Variants in HIVEP1 observed in about 807,000 individuals in gnomAD.
HIVEP1 encodes zinc finger protein 40.
A neutral mutation model predicts 180.0 loss-of-function variants in HIVEP1; 36 were observed. The observed-to-expected ratio is 0.20, with a 90% CI of 0.15 to 0.26. The LOEUF is 0.26. HIVEP1 is among the 10% of genes least tolerant of loss of function. The pLI is 1.00. For missense variants in HIVEP1, 3,143 were observed against 3,268.7 expected, an observed-to-expected ratio of 0.96 and a Z score of 0.94; for synonymous variants, 1,239 against 1,239.0, an observed-to-expected ratio of 1.00 and a Z score of 0.00.
rs192284926 is a variant in HIVEP1, at chr6:12,136,558, C to A, written c.6487+666C>A. 6.0e-4 allele frequency among the ~76,000 whole-genome samples: 92 copies of A among 152,338 alleles called. 2 individuals carry two copies. The highest frequency in any genetic ancestry group is 2.5e-3 in the South Asian group (12 of 4,826). On this transcript the variant is annotated intron_variant, in intron 7 of 8. Coordinates refer to ENST00000379388, the MANE Select transcript of HIVEP1 (RefSeq NM_002114.4). ...TGTTCTGAGATTATTCACGCACTCACCTGAGCTCCCACCACAGTGATTCAG... is the reference window on the plus strand; with the variant it reads ...TGTTCTGAGATTATTCACGCACTCAACTGAGCTCCCACCACAGTGATTCAG...
At position 12,018,727 on chromosome 6, in the gene HIVEP1, G is replaced by C. The variant is rs375317973; in HGVS notation, c.40+3059G>C. On this transcript the variant is annotated intron_variant, in intron 2 of 8. Coordinates refer to ENST00000379388, the MANE Select transcript of HIVEP1 (RefSeq NM_002114.4). The stretch of plus-strand genomic sequence containing the variant: ...TTATCTGCGAAGCTGACAAGGCAAA[G>C]TGAGTGCATTTCATCCTGGGGTAGC... Among the ~76,000 whole-genome samples the C allele has an allele frequency of 2.6e-5, 4 of 152,224 alleles. No homozygotes were observed. In the East Asian group the frequency reaches 5.8e-4, roughly 22 times the overall value.
At chr6:12,024,023 C>T (rs1351521552) in intron 2 of HIVEP1, among the ~76,000 whole-genome samples, 1 of 152,104 alleles carries the variant, frequency 6.6e-6, no homozygotes, top group African/African-American at 2.4e-5. Flanking sequence ...TTTTCATGTA[C>T]ATATTTAACT....
the HIVEP1 span, among the ~76,000 whole-genome samples, chr6:12,193,300 A>G: frequency 2.0e-4 from 30 of 152,326 alleles, no homozygotes; most frequent in African/African-American, 7.0e-4. Flanking sequence ...TTGCTCTCAT[A>G]AATAATTCTG....
chr6:12,013,138 C>G (rs1355729012), intron 1 of HIVEP1, among the ~76,000 whole-genome samples: 2 of 152,146 alleles, frequency 1.3e-5, no homozygotes, highest in Admixed American at 1.3e-4. Context: ...CCGCGCTCGC[C>G]TCATCTCGTC....
chr6:12,178,114 G>C, the HIVEP1 span, among the ~76,000 whole-genome samples: 3 of 152,192 alleles, frequency 2.0e-5, no homozygotes, highest in Non-Finnish European at 4.4e-5. Flanking sequence ...GGCTCGTAAA[G>C]TCAAGTTCAT....
At chr6:12,126,785 A>T (rs1373989131) in intron 4 of HIVEP1, among the ~76,000 whole-genome samples, 1 of 152,110 alleles carries the variant, frequency 6.6e-6, no homozygotes, top group Middle Eastern at 3.2e-3. Flanking sequence ...CAGCAAACAT[A>T]CTCCAAAGGT....
intron 3 of HIVEP1, among the ~76,000 whole-genome samples, chr6:12,114,480 C>A (rs1293764684): frequency 6.6e-6 from 1 of 151,990 alleles, no homozygotes; most frequent in Non-Finnish European, 1.5e-5. Context: ...AGGGATTACC[C>A]ATCCTTCTCA....
At chr6:12,040,339 C>CT (rs1165128871) in intron 2 of HIVEP1, among the ~76,000 whole-genome samples, 1 of 152,228 alleles carries the variant, frequency 6.6e-6, no homozygotes, top group Non-Finnish European at 1.5e-5. Context: ...GTAATTTTCT[C>CT]TAAGAGTTTA....
chr6:12,049,945 T>C (rs547531756), intron 2 of HIVEP1, among the ~76,000 whole-genome samples: 3 of 152,280 alleles, frequency 2.0e-5, no homozygotes, highest in African/African-American at 7.2e-5. Flanking sequence ...ATTCACCAAA[T>C]GAATGTCACT....
At chr6:12,025,391 CACAA>C (rs1281231604) in intron 2 of HIVEP1, among the ~76,000 whole-genome samples, 2 of 152,110 alleles carry the variant, frequency 1.3e-5, no homozygotes, top group Admixed American at 6.5e-5. Context: ...GATTTGCTAT[CACAA>C]ACAGTCTAGG....
At chr6:12,135,934 T>C (rs1419899469) in intron 7 of HIVEP1, 42 bp downstream of exon 7, 1 of 1,353,124 alleles carries the variant, frequency 7.4e-7, no homozygotes, top group Non-Finnish European at 1.0e-6. Flanking sequence ...CTATTTATAA[T>C]GTACAATTTT....
chr6:12,168,378 A>G (rs1170636767), downstream of HIVEP1, among the ~76,000 whole-genome samples: 3 of 125,964 alleles, frequency 2.4e-5, no homozygotes, highest in Non-Finnish European at 5.0e-5. Context: ...ATATACATGT[A>G]TATATGTATA....
intron 3 of HIVEP1, among the ~76,000 whole-genome samples, chr6:12,104,305 G>T (rs1417559275): frequency 2.7e-5 from 4 of 148,074 alleles, no homozygotes; most frequent in South Asian, 2.1e-4. Flanking sequence ...TTACTTTCTG[G>T]ATATTGTATC....
chr6:12,159,961 C>T (rs1661123420), intron 7 of HIVEP1, among the ~76,000 whole-genome samples: 2 of 152,018 alleles, frequency 1.3e-5, no homozygotes, highest in African/African-American at 4.8e-5. Flanking sequence ...TTGTCATATA[C>T]AAAGAAAAAG....
chr6:12,059,933 T>C (rs1771121603), intron 2 of HIVEP1, among the ~76,000 whole-genome samples: 1 of 152,268 alleles, frequency 6.6e-6, no homozygotes, highest in South Asian at 2.1e-4. Flanking sequence ...AAAATGTGTA[T>C]GCATATACAT....
chr6:12,060,801 G>A (rs1771177288), intron 2 of HIVEP1, among the ~76,000 whole-genome samples: 1 of 152,148 alleles, frequency 6.6e-6, no homozygotes, highest in South Asian at 2.1e-4. Flanking sequence ...TTAAACGGTT[G>A]GGAAGGTACT....
In HIVEP1 at chr6:12,163,529, G is replaced by C. The variant is rs1375639968; in HGVS notation, c.7225G>C (p.Ala2409Pro). Reference sequence around the variant, plus strand: ...AGTTGGGGGGATCCATGTGGTACCTGCTGGCCTCACATACTCCACGTTTGT... The same window carrying C: ...AGTTGGGGGGATCCATGTGGTACCTCCTGGCCTCACATACTCCACGTTTGT... ...VPVGGIHVVP[A>P]GLTYSTFVPL... Residue 2409 changes from alanine (A) to proline (P), a missense_variant, in exon 9 of 9, where the codon GCT becomes CCT. Ala to Pro is a conservative substitution (Grantham distance 27, BLOSUM62 -1). Coordinates refer to ENST00000379388, the MANE Select transcript of HIVEP1 (RefSeq NM_002114.4). 1.9e-5 allele frequency: 30 copies of C among 1,614,194 alleles called. No individual in the cohort carries two copies. Among genetic ancestry groups the C allele is most frequent in the East Asian group, 6.7e-5 (3 of 44,884 alleles).
rs553663872 is a variant in HIVEP1 at position 12,119,763 on chromosome 6, G to A, written c.95-127G>A. Reference sequence around the variant, plus strand: ...GAAGTGCAATTTTATTTAAAAAATAGACTTTCCTTAAATACTTTCTTCACT... The same window carrying A: ...GAAGTGCAATTTTATTTAAAAAATAAACTTTCCTTAAATACTTTCTTCACT... On this transcript the variant is annotated intron_variant, in intron 3 of 8. Coordinates refer to ENST00000379388, the MANE Select transcript of HIVEP1 (RefSeq NM_002114.4). 83 of 621,942 alleles carry A rather than the reference G, an allele frequency of 1.3e-4. No homozygotes were observed. In the African/African-American group the frequency reaches 1.5e-3, roughly 11 times the overall value. 38.5% of individuals were successfully genotyped at this position (621,942 alleles called of 1,614,324 possible).
chr6:12,113,914 A>G (rs1032800091), intron 3 of HIVEP1, among the ~76,000 whole-genome samples: 10 of 152,184 alleles, frequency 6.6e-5, no homozygotes, highest in Non-Finnish European at 1.3e-4. Context: ...TCTTGAGTAT[A>G]CCTGTTTATC....
Sources: allele counts gnomAD v4.1 joint callset (sites outside exome capture counted in the v4.1 genomes callset), GRCh38; gene constraint gnomAD v4.1.1; transcripts MANE v1.5; gene names NCBI Gene and HGNC (gene_info 2026-07-23, HGNC 2026-07-21).